The following SYNPR variants were observed in gnomAD, a reference collection of about 807,000 sequenced individuals.
The protein encoded by SYNPR is synaptoporin.
A neutral mutation model predicts 32.9 loss-of-function variants in SYNPR; 23 were observed. That is an observed-to-expected ratio of 0.70 (90% confidence interval 0.50 to 0.99). SYNPR has a LOEUF of 0.99. Among genes scored for constraint, SYNPR ranks in the 50% least tolerant of loss-of-function variants. The pLI is 0.00. For synonymous variants in SYNPR, 146 were observed against 135.9 expected (o/e 1.07, Z -0.52); for missense variants, 318 against 349.3 (o/e 0.91, Z 0.71).
chr3:63,322,252 A>G (rs949528349), intron 2 of SYNPR, among the ~76,000 whole-genome samples: 1 of 152,112 alleles, frequency 6.6e-6, no homozygotes, highest in East Asian at 1.9e-4. Context: ...CAATGTAGAT[A>G]CTGGAGAAAT....
intron 2 of SYNPR, among the ~76,000 whole-genome samples, chr3:63,412,911 TG>T (rs2088486390): frequency 6.6e-6 from 1 of 152,188 alleles, no homozygotes; most frequent in African/African-American, 2.4e-5. Context: ...TCGTGGTGGA[TG>T]GCTTTAATAA....
At chr3:63,599,197 T>C (rs1700003476) in intron 4 of SYNPR, among the ~76,000 whole-genome samples, 1 of 152,188 alleles carries the variant, frequency 6.6e-6, no homozygotes, top group East Asian at 1.9e-4. Flanking sequence ...GGTGACATCA[T>C]AGCCATCATA....
intron 2 of SYNPR, among the ~76,000 whole-genome samples, chr3:63,284,044 G>C (rs1435056951): frequency 4.6e-5 from 7 of 152,006 alleles, no homozygotes; most frequent in Non-Finnish European, 7.4e-5. Flanking sequence ...TCCTGACCTC[G>C]TGATCTGCCG....
At chr3:63,546,207 A>T (rs1178541943) in intron 3 of SYNPR, among the ~76,000 whole-genome samples, 1 of 152,134 alleles carries the variant, frequency 6.6e-6, no homozygotes, top group Non-Finnish European at 1.5e-5. Context: ...AATAAATCAT[A>T]GCTTAGTGAG....
intron 2 of SYNPR, among the ~76,000 whole-genome samples, chr3:63,433,979 G>A (rs991658848): frequency 1.3e-5 from 2 of 152,126 alleles, no homozygotes; most frequent in Non-Finnish European, 2.9e-5. Flanking sequence ...CCCTAAGACT[G>A]GGGTGGGTCA....
chr3:63,229,276 C>G (rs1308470263), intron 1 of SYNPR, among the ~76,000 whole-genome samples: 1 of 151,986 alleles, frequency 6.6e-6, no homozygotes, highest in East Asian at 1.9e-4. Context: ...CACACACATC[C>G]TGTGTGTTAA....
chr3:63,438,227 C>T (rs1422513541), intron 2 of SYNPR, among the ~76,000 whole-genome samples: 2 of 152,154 alleles, frequency 1.3e-5, no homozygotes, highest in African/African-American at 4.8e-5. Flanking sequence ...CATTTTATCT[C>T]CCAAGCATGA....
rs563251576 is a variant in SYNPR, at chr3:63,256,148, G to C, written n.154+3562G>C. 1.2e-3 allele frequency among the ~76,000 whole-genome samples: 181 copies of C among 152,340 alleles called. 1 individual carries two copies. Among genetic ancestry groups the C allele is most frequent in the Non-Finnish European group, 2.0e-3 (133 of 68,042 alleles). On this transcript the variant is annotated intron_variant and non_coding_transcript_variant, in intron 2 of 4. Transcript: ENST00000478456. ...TGTAGGCTCCACCTCTGGGGGCAGG[G>C]CATAGCGAAACAAAAGGCAGCAGAA...
chr3:63,464,397 A>T (rs1700641405), intron 2 of SYNPR, among the ~76,000 whole-genome samples: 1 of 152,176 alleles, frequency 6.6e-6, no homozygotes, highest in African/African-American at 2.4e-5. Context: ...TGCATCCTGC[A>T]TTCTTTGTAA....
At chr3:63,472,820 C>T (rs908494530) in intron 2 of SYNPR, among the ~76,000 whole-genome samples, 3 of 152,084 alleles carry the variant, frequency 2.0e-5, no homozygotes, top group Admixed American at 1.3e-4. Context: ...GCAAGACCCA[C>T]GTGTCTTCAC....
At chr3:63,542,895 G>T (rs541945862) in intron 3 of SYNPR, among the ~76,000 whole-genome samples, 1 of 152,082 alleles carries the variant, frequency 6.6e-6, no homozygotes, top group African/African-American at 2.4e-5. Context: ...TAAGTAAAAT[G>T]AGGTAATTTG....
chr3:63,421,531 A>G (rs1397041579), intron 2 of SYNPR, among the ~76,000 whole-genome samples: 1 of 152,074 alleles, frequency 6.6e-6, no homozygotes, highest in East Asian at 1.9e-4. Context: ...AAAAAATCTA[A>G]AAAATGAAAA....
intron 2 of SYNPR, among the ~76,000 whole-genome samples, chr3:63,406,541 C>T (rs1191987428): frequency 6.6e-6 from 1 of 151,662 alleles, no homozygotes; most frequent in African/African-American, 2.4e-5. Context: ...TAGGACAGGC[C>T]AGAGCCGAGC....
chr3:63,337,631 A>G (rs1366198475), intron 2 of SYNPR, among the ~76,000 whole-genome samples: 1 of 152,244 alleles, frequency 6.6e-6, no homozygotes, highest in African/African-American at 2.4e-5. Context: ...GAATAGTTGA[A>G]TGGATAAACA....
intron 3 of SYNPR, among the ~76,000 whole-genome samples, chr3:63,555,129 T>C: frequency 6.6e-6 from 1 of 151,972 alleles, no homozygotes; most frequent in Non-Finnish European, 1.5e-5. Context: ...TTTAGAATTT[T>C]CTAGACAGAA....
rs527787273 is a variant in SYNPR at position 63,489,164 on chromosome 3, T to C, written c.209+8208T>C. 1.7e-3 allele frequency among the ~76,000 whole-genome samples: 260 copies of C among 152,196 alleles called. 2 individuals are homozygous for C. The highest frequency in any genetic ancestry group is 0.01 in the Middle Eastern group (3 of 294). The stretch of plus-strand genomic sequence containing the variant: ...GGAAGGGAAGAAAGCCAAAAAGAAG[T>C]AGATTAATTGGCAAGATACCACCAT... On this transcript the variant is annotated intron_variant, in intron 3 of 5. Transcript: ENST00000478300.
At position 63,289,458 on chromosome 3, in the gene SYNPR, C is replaced by T. The variant is rs138281464; in HGVS notation, c.84+10716C>T. On this transcript the variant is annotated intron_variant, in intron 2 of 5. Transcript: ENST00000478300. ...ACTCATGGCAGAAGGCAGAGAGGAG[C>T]TGGTGTGTGCAGAGATCACATGGTG... 6 of 163,844 alleles carry T rather than the reference C, an allele frequency of 3.7e-5. No individual in the cohort carries two copies. The East Asian group carries it at 1.1e-3, about 29-fold the overall frequency. The allele number at this position is 163,844 out of a possible 1,614,324, so 10.1% of individuals were successfully genotyped here. A position where few individuals can be genotyped will look rare whatever the true frequency, so the allele number is the denominator to read the frequency against.
intron 2 of SYNPR, among the ~76,000 whole-genome samples, chr3:63,297,191 T>C (rs1289875525): frequency 6.6e-6 from 1 of 152,180 alleles, no homozygotes; most frequent in African/African-American, 2.4e-5. Flanking sequence ...GGCTCTGTTA[T>C]TTAAAACATT....
At chr3:63,390,957 C>T (rs565680022) in intron 2 of SYNPR, among the ~76,000 whole-genome samples, 18 of 152,352 alleles carry the variant, frequency 1.2e-4, no homozygotes, top group Admixed American at 2.0e-4. Flanking sequence ...ACTATGATCC[C>T]AGCTGGATAC....
Sources: allele counts gnomAD v4.1 joint callset (sites outside exome capture counted in the v4.1 genomes callset), GRCh38; gene constraint gnomAD v4.1.1; transcripts MANE v1.5; gene names NCBI Gene and HGNC (gene_info 2026-07-23, HGNC 2026-07-21).